The following KCNK9 variants were observed in gnomAD, a reference collection of about 807,000 sequenced individuals.
The protein encoded by KCNK9 is potassium two pore domain channel subfamily K member 9.
A neutral mutation model predicts 10.8 loss-of-function variants in KCNK9; 1 was observed. The ratio of observed to expected loss-of-function variants is 0.09; its 90% CI spans 0.03 to 0.44. The LOEUF is 0.44. Among genes scored for constraint, KCNK9 ranks in the 20% least tolerant of loss-of-function variants. The pLI, the probability that KCNK9 is intolerant of heterozygous loss-of-function variation, is 0.97. For synonymous variants in KCNK9, 231 were observed against 222.7 expected (o/e 1.04, Z -0.33); for missense variants, 303 against 515.0 (o/e 0.59, Z 3.98).
Position 139,643,983 on chromosome 8 carries a change from C to T in KCNK9, c.284-24884G>A, listed in dbSNP as rs140287162. On this transcript the variant is annotated intron_variant, in intron 1 of 1. Transcript: ENST00000520439. ...TGCCTAGATCCGGGCCCCATGAAGG[C>T]GGTGATTGTGGTCCCCACCTCTGCC... Among the ~76,000 whole-genome samples, 138 of 152,318 alleles carry T rather than the reference C, an allele frequency of 9.1e-4. 1 individual carries two copies. The highest frequency in any genetic ancestry group is 3.1e-3 in the African/African-American group (127 of 41,564).
chr8:139,630,287 A>G (rs1169119078), intron 1 of KCNK9, among the ~76,000 whole-genome samples: 1 of 152,108 alleles, frequency 6.6e-6, no homozygotes, highest in Non-Finnish European at 1.5e-5. Flanking sequence ...GCCTCAGAGG[A>G]TAAGGAAGTG....
intron 1 of KCNK9, among the ~76,000 whole-genome samples, chr8:139,688,642 G>A (rs917443179): frequency 3.9e-5 from 6 of 152,212 alleles, no homozygotes; most frequent in African/African-American, 7.2e-5. Flanking sequence ...ATCAATGACC[G>A]ATCCTGGGTT....
At chr8:139,686,584 T>C (rs1816794401) in intron 1 of KCNK9, among the ~76,000 whole-genome samples, 1 of 152,210 alleles carries the variant, frequency 6.6e-6, no homozygotes, top group Non-Finnish European at 1.5e-5. Flanking sequence ...TTGAGGTCGA[T>C]TATTGTTGTT....
chr8:139,618,115 A>C lies in KCNK9; in HGVS notation c.*143T>G. 1.7e-6 allele frequency: 2 copies of C among 1,208,984 alleles called. No homozygotes were observed. The highest frequency in any genetic ancestry group is 2.3e-6 in the Non-Finnish European group (2 of 862,254). 74.9% of individuals were successfully genotyped at this position (1,208,984 alleles called of 1,614,324 possible). A position where few individuals can be genotyped will look rare whatever the true frequency, so the allele number is the denominator to read the frequency against. ...TGGAAAGGTGGGGGAAAATGAGACC[A>C]AGAGACCAAGAAAGGAGGAAGGAGA... On this transcript the variant is annotated 3_prime_UTR_variant, in exon 2 of 2. Coordinates refer to ENST00000520439, the MANE Select transcript of KCNK9 (RefSeq NM_001282534.2). This position sits in a 1 kb window ranked among gnomAD's most constrained non-coding sequence, Gnocchi z 7.9.
chr8:139,700,508 A>ACACG (rs1392898740), intron 1 of KCNK9, among the ~76,000 whole-genome samples: 5 of 118,342 alleles, frequency 4.2e-5, no homozygotes, highest in East Asian at 2.7e-4. Context: ...ACACACACAC[A>ACACG]CGCGCGCGCG....
chr8:139,629,100 G>A (rs1032514213), intron 1 of KCNK9, among the ~76,000 whole-genome samples: 6 of 152,246 alleles, frequency 3.9e-5, no homozygotes, highest in African/African-American at 9.6e-5. Context: ...GGACCCAGCC[G>A]AGATTAAATG....
chr8:139,619,276 G>C (rs779881970), intron 1 of KCNK9, among the ~76,000 whole-genome samples, 177 bp from the exon 2 acceptor site: 3 of 152,004 alleles, frequency 2.0e-5, no homozygotes, highest in South Asian at 2.1e-4. Context: ...GAACAAAGGA[G>C]AGCCACTTTC....
intron 1 of KCNK9, among the ~76,000 whole-genome samples, chr8:139,697,347 TTGGATGGATGGATGGATGGATGGATGGA>T (rs75812728): frequency 4.2e-5 from 6 of 143,674 alleles, no homozygotes; most frequent in Admixed American, 6.9e-5. Flanking sequence ...GAGTGGATGG[TTGGATGGATGGATGGATGGATGGATGGA>T]TGGATGGATG....
chr8:139,622,922 T>C (rs1402892131), intron 1 of KCNK9, among the ~76,000 whole-genome samples: 1 of 152,166 alleles, frequency 6.6e-6, no homozygotes, highest in African/African-American at 2.4e-5. Flanking sequence ...ACATGTGACA[T>C]AGTAGCACAC....
intron 1 of KCNK9, 68 bp from the exon 2 acceptor site, chr8:139,619,167 G>C: frequency 1.3e-6 from 2 of 1,572,006 alleles, no homozygotes; most frequent in South Asian, 2.3e-5. Context: ...GGGGAAGGGA[G>C]GGTCGACTTG....
intron 1 of KCNK9, among the ~76,000 whole-genome samples, chr8:139,651,237 GCA>G (rs1171331290): frequency 7.2e-5 from 11 of 152,234 alleles, no homozygotes; most frequent in Non-Finnish European, 1.6e-4. Flanking sequence ...CATTCAACCT[GCA>G]CAGTCAGAAA....
At chr8:139,609,880 G>T (rs1814366266), downstream of KCNK9, among the ~76,000 whole-genome samples, 1 of 152,306 alleles carries the variant, frequency 6.6e-6, no homozygotes, top group South Asian at 2.1e-4. Context: ...CTGGGGCAGG[G>T]TGGAGTGGGC....
At chr8:139,673,194 C>T (rs1015951624) in intron 1 of KCNK9, among the ~76,000 whole-genome samples, 2 of 151,704 alleles carry the variant, frequency 1.3e-5, no homozygotes, top group African/African-American at 4.8e-5. Flanking sequence ...TGGCATAGGC[C>T]TGGGGGGAAT....
chr8:139,656,165 A>C (rs913869367), intron 1 of KCNK9, among the ~76,000 whole-genome samples: 7 of 152,098 alleles, frequency 4.6e-5, no homozygotes, highest in Admixed American at 3.9e-4. Flanking sequence ...GGTGCAGGTA[A>C]ATATACCCCA....
chr8:139,698,399 A>G (rs1344165651), intron 1 of KCNK9, among the ~76,000 whole-genome samples: 1 of 152,210 alleles, frequency 6.6e-6, no homozygotes, highest in Admixed American at 6.5e-5. Context: ...AGCAGAAAAC[A>G]TAGTATTTAT....
Position 139,618,959 on chromosome 8 carries a change from G to A in KCNK9, c.424C>T (p.Arg142Cys), listed in dbSNP as rs753123156. The A allele has an allele frequency of 1.2e-6, 2 of 1,614,196 alleles. No homozygotes were observed. The highest frequency in any genetic ancestry group is 1.7e-6 in the Non-Finnish European group (2 of 1,180,032). Residue 142 changes from arginine to cysteine, a missense_variant, in exon 2 of 2, where the codon CGC (arginine) becomes TGC (cysteine). Physicochemically the swap from Arg to Cys is radical, Grantham distance 180. This residue lies in a region of KCNK9 where 32 missense variants were observed against 30.2 expected (regional missense o/e 1.06). Coordinates refer to ENST00000520439, the MANE Select transcript of KCNK9 (RefSeq NM_001282534.2). The surrounding 1 kb of genome is among the most constrained non-coding windows in gnomAD (Gnocchi z 7.9). Reference protein sequence around the residue: ...MNTFVRYLLKRIKKCCGMRNT... With the variant: ...MNTFVRYLLKCIKKCCGMRNT... ...CGCATGCCACAGCACTTCTTAATGC[G>A]CTTCAGCAGGTAGCGCACGAAGGTG... is the stretch of plus-strand genomic sequence containing the variant.
intron 1 of KCNK9, among the ~76,000 whole-genome samples, chr8:139,632,362 A>G (rs1391481448): frequency 3.3e-5 from 5 of 152,320 alleles, no homozygotes; most frequent in East Asian, 3.9e-4. Context: ...GAGTCAGCCC[A>G]CGCTGGAGTC....
intron 1 of KCNK9, among the ~76,000 whole-genome samples, chr8:139,650,899 GT>G (rs1180980211): frequency 6.6e-6 from 1 of 152,188 alleles, no homozygotes; most frequent in Non-Finnish European, 1.5e-5. Context: ...CGGAAGTGAT[GT>G]TGCCATGGTT....
chr8:139,609,644 A>G (rs978325219), downstream of KCNK9, among the ~76,000 whole-genome samples: 3 of 152,252 alleles, frequency 2.0e-5, no homozygotes, highest in African/African-American at 7.2e-5. Flanking sequence ...CCTTTAGAGC[A>G]GGGCACCTCA....
Sources: gnomAD v4.1 joint callset for allele counts (sites outside exome capture counted in the v4.1 genomes callset) on GRCh38, gnomAD v4.1.1 for gene constraint, gnomAD v4.1.1 regional missense constraint, Gnocchi (gnomAD v3.1) non-coding constraint, MANE v1.5 for transcripts, NCBI Gene and HGNC (gene_info 2026-07-23, HGNC 2026-07-21) for gene names.